Variants in MCF2L2 observed in about 807,000 individuals in gnomAD.
MCF2L2 encodes MCF.2 cell line derived transforming sequence-like 2.
A neutral mutation model predicts 150.2 loss-of-function variants in MCF2L2; 102 were observed. The observed-to-expected ratio is 0.68, with a 90% CI of 0.58 to 0.80. The LOEUF (loss-of-function observed/expected upper bound fraction) is 0.80, where lower values mean the gene tolerates loss of function less well. Ranked by LOEUF, MCF2L2 falls within the 30% of genes least tolerant of loss-of-function variation. MCF2L2 has a pLI of 0.00. For missense variants in MCF2L2, 1,256 were observed against 1,372.8 expected (o/e 0.91, Z 1.34); for synonymous variants, 465 against 491.3 (o/e 0.95, Z 0.71).
intron 3 of MCF2L2, among the ~76,000 whole-genome samples, chr3:183,370,414 GA>G (rs2108576325): frequency 6.6e-6 from 1 of 152,348 alleles, no homozygotes; most frequent in South Asian, 2.1e-4. Flanking sequence ...TGACCAAGAA[GA>G]AAAATCATGC....
chr3:183,401,304 A>T (rs1005612302), intron 1 of MCF2L2, among the ~76,000 whole-genome samples: 5 of 152,238 alleles, frequency 3.3e-5, no homozygotes, highest in African/African-American at 1.2e-4. Context: ...AATGTGAAAT[A>T]GCCAATCAGC....
chr3:183,307,828 C>T (rs1729173278), intron 10 of MCF2L2, among the ~76,000 whole-genome samples: 1 of 152,236 alleles, frequency 6.6e-6, no homozygotes, highest in Non-Finnish European at 1.5e-5. Context: ...CTGGCCTCTG[C>T]TCATCTCTGT....
chr3:183,228,915 G>A (rs1198520461), intron 17 of MCF2L2, among the ~76,000 whole-genome samples: 1 of 152,084 alleles, frequency 6.6e-6, no homozygotes, highest in South Asian at 2.1e-4. Context: ...CAAAGATAGG[G>A]TTTTATAAAT....
chr3:183,395,108 TAC>T (rs1354645350), intron 1 of MCF2L2, among the ~76,000 whole-genome samples: 1 of 152,204 alleles, frequency 6.6e-6, no homozygotes, highest in African/African-American at 2.4e-5. Flanking sequence ...TCTTAACCAT[TAC>T]AGTCATTAAA....
At chr3:183,287,627 A>G (rs1211719090) in intron 14 of MCF2L2, 1 of 152,206 alleles carries the variant, frequency 6.6e-6, no homozygotes, top group Admixed American at 6.5e-5. Flanking sequence ...GACAGTATGA[A>G]ATTTCATACA....
At chr3:183,209,634 G>A (rs561730505) in intron 22 of MCF2L2, among the ~76,000 whole-genome samples, 5 of 152,062 alleles carry the variant, frequency 3.3e-5, no homozygotes, top group East Asian at 1.9e-4. Context: ...GATTACAGGC[G>A]TGCATTACCA....
At chr3:183,410,854 T>TA (rs1361322598) in intron 1 of MCF2L2, among the ~76,000 whole-genome samples, 3 of 152,158 alleles carry the variant, frequency 2.0e-5, no homozygotes. Context: ...CACAGCTGAA[T>TA]AAAGAGCTGA....
chr3:183,408,806 A>C (rs1022235542), intron 1 of MCF2L2, among the ~76,000 whole-genome samples: 1 of 152,212 alleles, frequency 6.6e-6, no homozygotes, highest in African/African-American at 2.4e-5. Context: ...CAACTCTTCT[A>C]AGCCTCTGTG....
At position 183,197,339 on chromosome 3, in the gene MCF2L2, A is replaced by G. The variant is rs1278298716; in HGVS notation, c.2885-2084T>C. 2.6e-5 allele frequency among the ~76,000 whole-genome samples: 4 copies of G among 152,214 alleles called. No individual in the cohort carries two copies. Among genetic ancestry groups the G allele is most frequent in the Non-Finnish European group, 5.9e-5 (4 of 68,030 alleles). On this transcript the variant is annotated intron_variant, in intron 25 of 29. Coordinates refer to ENST00000328913, the MANE Select transcript of MCF2L2 (RefSeq NM_015078.4). The surrounding 1 kb of genome is among the most constrained non-coding windows in gnomAD (Gnocchi z 4.5). ...ATAGATGCACTTACATAAATCATCA[A>G]TTGGAGAAAGAATAGTGTTTTTAAC...
At chr3:183,417,012 T>G (rs757186352) in intron 1 of MCF2L2, among the ~76,000 whole-genome samples, 30 of 146,936 alleles carry the variant, frequency 2.0e-4, no homozygotes, top group Non-Finnish European at 3.8e-4. Flanking sequence ...CTCAGGAGGC[T>G]GAGGCAGGAG....
intron 7 of MCF2L2, among the ~76,000 whole-genome samples, chr3:183,312,703 G>A (rs1311104301): frequency 6.6e-6 from 1 of 152,166 alleles, no homozygotes; most frequent in Non-Finnish European, 1.5e-5. Flanking sequence ...CATTCCCTGT[G>A]GGAAGAGTTT....
At position 183,289,137 on chromosome 3, in the gene MCF2L2, T is replaced by C; in HGVS notation, c.1759A>G (p.Thr587Ala). 1 of 1,613,124 alleles carries C rather than the reference T, an allele frequency of 6.2e-7. No homozygotes were observed. The highest frequency in any genetic ancestry group is 1.1e-5 in the South Asian group (1 of 91,022). ...AATTTTACCTTGACTTCAAATTTAG[T>C]CTCATCATCTTCCTTTCCCCGGGAG... The part of the protein sequence containing the change: ...LNSRGKEDDE[T>A]KFEVKSEEIF... The change falls in exon 14 of 30, where the codon ACT (threonine) becomes GCT (alanine). Residue 587 changes from threonine (T) to alanine (A), a missense_variant. Thr to Ala is a moderately conservative substitution (Grantham distance 58). Transcript: ENST00000328913.
intron 3 of MCF2L2, among the ~76,000 whole-genome samples, chr3:183,361,122 A>C (rs1039446720): frequency 2.2e-5 from 2 of 91,106 alleles, no homozygotes; most frequent in East Asian, 8.1e-4. Flanking sequence ...AAAAAGAAAA[A>C]GAAAAGAAAA....
At chr3:183,266,774 A>G (rs1049905838) in intron 15 of MCF2L2, among the ~76,000 whole-genome samples, 9 of 151,848 alleles carry the variant, frequency 5.9e-5, no homozygotes, top group Non-Finnish European at 1.0e-4. Flanking sequence ...TCTGTTCCTT[A>G]GAGCAGTGTT....
At position 183,310,999 on chromosome 3, in the gene MCF2L2, T is replaced by C. The variant is rs140843315; in HGVS notation, c.909A>G (p.Lys303=). ...RLLVQLDETE[K]AFSHFWSEHH... ...GCTCAGACCAAAAGTGACTAAAGGC[T>C]TTTTCTGTTTCATCCAGTTGAACTA... is the stretch of plus-strand genomic sequence containing the variant. Residue 303 remains lysine, a synonymous_variant, in exon 9 of 30, where the codon AAA becomes AAG. Transcript: ENST00000328913. 1.6e-5 allele frequency: 26 copies of C among 1,613,118 alleles called. No homozygotes were observed. Among genetic ancestry groups the C allele is most frequent in the Non-Finnish European group, 2.1e-5 (25 of 1,179,218 alleles).
At position 183,428,051 on chromosome 3, in the gene MCF2L2, A is replaced by C. The variant is rs1310503718; in HGVS notation, c.-74T>G. The C allele has an allele frequency of 3.5e-6, 4 of 1,157,968 alleles. No individual in the cohort carries two copies. In the African/African-American group the frequency reaches 4.6e-5, roughly 13 times the overall value. The allele number at this position is 1,157,968 out of a possible 1,614,324, so 71.7% of individuals were successfully genotyped here. A position where few individuals can be genotyped will look rare whatever the true frequency, so the allele number is the denominator to read the frequency against. On this transcript the variant is annotated 5_prime_UTR_variant, in exon 1 of 30. Transcript: ENST00000328913. The surrounding 1 kb of genome is among the most constrained non-coding windows in gnomAD (Gnocchi z 5.1). ...TACCGCTGCGGTGGATGATTTTTTA[A>C]AGGCATCTCCGCCCAAGGATGCTCT...
chr3:183,273,607 C>T (rs1017142265), intron 15 of MCF2L2, among the ~76,000 whole-genome samples: 2 of 152,112 alleles, frequency 1.3e-5, no homozygotes, highest in African/African-American at 4.8e-5. Context: ...AATGACGTTT[C>T]GGTTAACGAT....
intron 15 of MCF2L2, among the ~76,000 whole-genome samples, chr3:183,259,320 G>T (rs1725370161): frequency 6.6e-6 from 1 of 152,140 alleles, no homozygotes; most frequent in Non-Finnish European, 1.5e-5. Flanking sequence ...CAGGGGTGGG[G>T]CTAGGAGTAG....
intron 13 of MCF2L2, among the ~76,000 whole-genome samples, chr3:183,289,424 G>A (rs1727993958): frequency 6.6e-6 from 1 of 152,128 alleles, no homozygotes. Flanking sequence ...TGACTCCAGG[G>A]ACTTGACATT....
Sources: gnomAD v4.1 joint callset for allele counts (sites outside exome capture counted in the v4.1 genomes callset) on GRCh38, gnomAD v4.1.1 for gene constraint, Gnocchi (gnomAD v3.1) non-coding constraint, MANE v1.5 for transcripts, NCBI Gene and HGNC (gene_info 2026-07-23, HGNC 2026-07-21) for gene names.